ADAMTS9: variants seen among roughly 807,000 people sequenced by gnomAD.
ADAMTS9 encodes A disintegrin and metalloproteinase with thrombospondin motifs 9.
In ADAMTS9, 107 loss-of-function variants were observed where a neutral mutation model predicts 257.1. The ratio of observed to expected loss-of-function variants is 0.42; its 90% CI spans 0.36 to 0.49. ADAMTS9 has a LOEUF of 0.49. Ranked by LOEUF, ADAMTS9 falls within the 20% of genes least tolerant of loss-of-function variation. The pLI is 0.03. For missense variants in ADAMTS9, 2,353 were observed against 2,469.1 expected (o/e 0.95, Z 1.00); for synonymous variants, 982 against 880.9 (o/e 1.11, Z -2.03).
intron 38 of ADAMTS9, 131 bp from the exon 39 acceptor site, chr3:64,522,391 T>G (rs1321180128): frequency 1.4e-6 from 1 of 723,730 alleles, no homozygotes; most frequent in Non-Finnish European, 2.3e-6. Flanking sequence ...CCCAACATAC[T>G]CACCATGGTC....
At chr3:64,670,812 A>G (rs1027585149) in intron 3 of ADAMTS9, among the ~76,000 whole-genome samples, 2 of 152,220 alleles carry the variant, frequency 1.3e-5, no homozygotes, top group African/African-American at 4.8e-5. Context: ...TGAAAACTAC[A>G]ATGAAATTCC....
At chr3:64,567,964 T>G (rs2083583560) in intron 29 of ADAMTS9, among the ~76,000 whole-genome samples, 1 of 152,196 alleles carries the variant, frequency 6.6e-6, no homozygotes. Context: ...TCAACAGCCC[T>G]TTCTTCAAGA....
intron 3 of ADAMTS9, among the ~76,000 whole-genome samples, chr3:64,669,123 G>A (rs1015365097): frequency 2.6e-5 from 4 of 152,092 alleles, no homozygotes; most frequent in Admixed American, 2.6e-4. Flanking sequence ...CCCTGGCCCA[G>A]CTCAGAAAAG....
chr3:64,581,508 C>T (rs2083999995), intron 28 of ADAMTS9, among the ~76,000 whole-genome samples: 1 of 152,158 alleles, frequency 6.6e-6, no homozygotes, highest in Non-Finnish European at 1.5e-5. Flanking sequence ...AGCAAACCAC[C>T]TGCCTTGGGC....
rs1024114836 is a variant in ADAMTS9 at position 64,561,817 on chromosome 3, C to T, written c.4525-66G>A. 9.2e-6 allele frequency: 13 copies of T among 1,417,168 alleles called. No homozygotes were observed. In the East Asian group the frequency reaches 2.6e-4, roughly 28 times the overall value. 87.8% of individuals were successfully genotyped at this position (1,417,168 alleles called of 1,614,324 possible). A position where few individuals can be genotyped will look rare whatever the true frequency, so the allele number is the denominator to read the frequency against. The stretch of plus-strand genomic sequence containing the variant: ...TATTTTTTGGGGGGGCGGGGGGTGT[C>T]GAGGGTCACAGAGGAGGGGAATGCA... On this transcript the variant is annotated intron_variant, in intron 29 of 39. Transcript: ENST00000498707.
intron 4 of ADAMTS9, 126 bp downstream of exon 4, chr3:64,658,376 T>C: frequency 1.0e-6 from 1 of 978,566 alleles, no homozygotes; most frequent in Non-Finnish European, 1.5e-6. Flanking sequence ...TTATGTTCTC[T>C]TCAGTCACTT....
intron 12 of ADAMTS9, among the ~76,000 whole-genome samples, chr3:64,641,349 T>C (rs966983556): frequency 2.0e-5 from 3 of 151,942 alleles, no homozygotes; most frequent in Non-Finnish European, 4.4e-5. Flanking sequence ...CTTTAAGTTT[T>C]AGGGTACACG....
chr3:64,540,098 T>C (rs917587204), intron 36 of ADAMTS9, among the ~76,000 whole-genome samples: 1 of 152,210 alleles, frequency 6.6e-6, no homozygotes, highest in South Asian at 2.1e-4. Flanking sequence ...GAAATCCCAG[T>C]GCTCCATTCT....
chr3:64,611,359 G>A (rs760157278), intron 22 of ADAMTS9, among the ~76,000 whole-genome samples: 13 of 152,132 alleles, frequency 8.5e-5, no homozygotes, highest in African/African-American at 2.2e-4. Context: ...AAAACACTGC[G>A]GTATGTGAAA....
At position 64,687,006 on chromosome 3, in the gene ADAMTS9, A is replaced by AT; in HGVS notation, c.116-39dup. The AT allele has an allele frequency of 1.3e-6, 2 of 1,570,680 alleles. No individual in the cohort carries two copies. Among genetic ancestry groups the AT allele is most frequent in the South Asian group, 1.2e-5 (1 of 83,422 alleles). On this transcript the variant is annotated intron_variant, in intron 1 of 39. Transcript: ENST00000498707. The surrounding 1 kb of genome is among the most constrained non-coding windows in gnomAD (Gnocchi z 4.4). ...GCAGAGGTATATGAACCAATAATTC[A>AT]TTTTTCCTTAAGCTTTAATTTAAAA...
intron 15 of ADAMTS9, 104 bp from the exon 16 acceptor site, chr3:64,631,654 T>G (rs2106891566): frequency 8.2e-7 from 1 of 1,213,244 alleles, no homozygotes; most frequent in South Asian, 1.2e-5. Context: ...AATTCTCATA[T>G]AATTCTATTA....
chr3:64,542,503 C>A (rs1270126603), intron 32 of ADAMTS9, among the ~76,000 whole-genome samples: 1 of 149,254 alleles, frequency 6.7e-6, no homozygotes, highest in Non-Finnish European at 1.5e-5. Flanking sequence ...TCACAGCTCA[C>A]GGCAATCTCC....
chr3:64,633,668 A>C, intron 13 of ADAMTS9, 30 bp downstream of exon 13: 1 of 1,613,820 alleles, frequency 6.2e-7, no homozygotes, highest in South Asian at 1.1e-5. Flanking sequence ...CGGCCGGCCA[A>C]CGGTGAACAG....
At chr3:64,643,787 T>TA (rs1700720024) in intron 11 of ADAMTS9, among the ~76,000 whole-genome samples, 1 of 145,264 alleles carries the variant, frequency 6.9e-6, no homozygotes, top group Non-Finnish European at 1.5e-5. Context: ...TTTTTAATGC[T>TA]TTTTTTTTTT....
At chr3:64,608,097 T>C (rs2084590752) in intron 22 of ADAMTS9, among the ~76,000 whole-genome samples, 1 of 149,740 alleles carries the variant, frequency 6.7e-6, no homozygotes, top group African/African-American at 2.5e-5. Context: ...GAAAGCAGAA[T>C]ATAAGAAAAT....
At chr3:64,570,366 C>A (rs1337694309) in intron 28 of ADAMTS9, among the ~76,000 whole-genome samples, 2 of 152,080 alleles carry the variant, frequency 1.3e-5, no homozygotes, top group African/African-American at 4.8e-5. Context: ...AGAGGGCTCA[C>A]TGAGGTACTT....
At chr3:64,542,006 G>A (rs1178812032) in intron 32 of ADAMTS9, 36 bp from the exon 33 acceptor site, 1 of 1,612,808 alleles carries the variant, frequency 6.2e-7, no homozygotes, top group Non-Finnish European at 8.5e-7. Flanking sequence ...TGTGGCTATG[G>A]AATGTGGGAG....
intron 3 of ADAMTS9, among the ~76,000 whole-genome samples, chr3:64,677,568 T>C (rs1397699725): frequency 6.6e-6 from 1 of 152,170 alleles, no homozygotes; most frequent in African/African-American, 2.4e-5. Flanking sequence ...TGAATTTTAG[T>C]ATTTGGAGTT....
At position 64,615,356 on chromosome 3, in the gene ADAMTS9, G is replaced by A. The variant is rs754338364; in HGVS notation, c.3154C>T (p.Pro1052Ser). Reference protein sequence around the residue: ...KVTIQRCSEFPCPQWKSGDWS... With the variant: ...KVTIQRCSEFSCPQWKSGDWS... ...TCTCCAGATTTCCACTGTGGACAAG[G>A]GAACTCACTGCACCTCTGAATGGTA... is the stretch of plus-strand genomic sequence containing the variant. The change falls in exon 21 of 40, where the codon CCT becomes TCT. Residue 1052 changes from proline (P) to serine (S), a missense_variant. By Grantham distance (74) the Pro-to-Ser change is moderately conservative (BLOSUM62 -1). Coordinates refer to ENST00000498707, the MANE Select transcript of ADAMTS9 (RefSeq NM_182920.2). The A allele has an allele frequency of 6.2e-7, 1 of 1,613,974 alleles. No individual in the cohort carries two copies. Among genetic ancestry groups the A allele is most frequent in the South Asian group, 1.1e-5 (1 of 91,076 alleles).
Sources: gnomAD v4.1 joint callset for allele counts (sites outside exome capture counted in the v4.1 genomes callset) on GRCh38, gnomAD v4.1.1 for gene constraint, Gnocchi (gnomAD v3.1) non-coding constraint, MANE v1.5 for transcripts, NCBI Gene and HGNC (gene_info 2026-07-23, HGNC 2026-07-21) for gene names.